CYLC2: variants seen among roughly 807,000 people sequenced by gnomAD.
The protein encoded by CYLC2 is cylicin 2, also known as cylicin-2.
A neutral mutation model predicts 26.1 loss-of-function variants in CYLC2; 30 were observed. The ratio of observed to expected loss-of-function variants is 1.15; its 90% confidence interval spans 0.86 to 1.56. The LOEUF (loss-of-function observed/expected upper bound fraction) is 1.56. CYLC2 is among the 40% of genes most tolerant of loss of function. The pLI is 0.00. For synonymous variants in CYLC2, 158 were observed against 132.8 expected (o/e 1.19, Z -1.31); for missense variants, 498 against 394.4 (o/e 1.26, Z -2.23).
At chr9:103,015,423 A>G (rs1168108105) in intron 6 of CYLC2, among the ~76,000 whole-genome samples, 3 of 135,864 alleles carry the variant, frequency 2.2e-5, no homozygotes, top group South Asian at 2.1e-4. Flanking sequence ...ATATATTATA[A>G]TTATATACTT....
rs1353378787 is a variant in CYLC2 at position 103,013,171 on chromosome 9, T to TATATATTTAATATATTATATAA, written c.*816+1095_*816+1096insAATATATTTAATATATTATATA. On this transcript the variant is annotated intron_variant, in intron 6 of 7. Transcript: ENST00000374798. ...CATATATAAATATATATTATATAAA[T>TATATATTTAATATATTATATAA]ATATATTTAATATATTATATATAAC... is the stretch of plus-strand genomic sequence containing the variant. Among the ~76,000 whole-genome samples, 7 of 134,008 alleles carry TATATATTTAATATATTATATAA rather than the reference T, an allele frequency of 5.2e-5. 1 individual carries two copies. Among genetic ancestry groups the TATATATTTAATATATTATATAA allele is most frequent in the African/African-American group, 1.9e-4 (7 of 36,674 alleles). The allele number at this position is 134,008 out of a possible 152,430, so 87.9% of individuals were successfully genotyped here. A position where few individuals can be genotyped will look rare whatever the true frequency, so the allele number is the denominator to read the frequency against.
At position 102,995,759 on chromosome 9, in the gene CYLC2, A is replaced by C. The variant is rs117998321; in HGVS notation, c.17+362A>C. Among the ~76,000 whole-genome samples, 1,441 of 151,926 alleles carry C rather than the reference A, an allele frequency of 9.5e-3. 62 individuals carry two copies. In the East Asian group the frequency reaches 0.16, roughly 17 times the overall value. Reference sequence around the variant, plus strand: ...AAATTTCTGTGAATATTTTTTGTGTATGTAATAGTGACTGAGGAGTGTGAC... The same window carrying C: ...AAATTTCTGTGAATATTTTTTGTGTCTGTAATAGTGACTGAGGAGTGTGAC... On this transcript the variant is annotated intron_variant, in intron 1 of 7. Coordinates refer to ENST00000374798, the MANE Select transcript of CYLC2 (RefSeq NM_001340.5).
intron 6 of CYLC2, among the ~76,000 whole-genome samples, chr9:103,016,033 A>ATATGGTATTTTGATAT (rs1829501492): frequency 6.6e-6 from 1 of 151,334 alleles, no homozygotes; most frequent in African/African-American, 2.4e-5. Context: ...GGATTTTGAT[A>ATATGGTATTTTGATAT]GATAATTGGT....
intron 5 of CYLC2, among the ~76,000 whole-genome samples, chr9:103,010,035 A>G (rs1238113156): frequency 6.6e-6 from 1 of 151,726 alleles, no homozygotes; most frequent in African/African-American, 2.4e-5. Context: ...CAAAAATAGA[A>G]AATTTAAAAT....
chr9:103,007,286 T>C (rs969096779), intron 5 of CYLC2, among the ~76,000 whole-genome samples: 3 of 152,046 alleles, frequency 2.0e-5, no homozygotes, highest in Non-Finnish European at 4.4e-5. Flanking sequence ...TTATGATAGA[T>C]GATATTATTA....
intron 6 of CYLC2, among the ~76,000 whole-genome samples, chr9:103,014,424 A>AATGTATATT (rs1564101119): frequency 2.1e-5 from 2 of 96,356 alleles, no homozygotes; most frequent in African/African-American, 3.4e-5. Flanking sequence ...GTAACATAAT[A>AATGTATATT]ACATAATGTA....
intron 6 of CYLC2, among the ~76,000 whole-genome samples, chr9:103,014,315 T>C (rs1829461670): frequency 7.4e-6 from 1 of 135,132 alleles, no homozygotes; most frequent in Admixed American, 8.0e-5. Flanking sequence ...TATTACATTG[T>C]ATATATTACA....
chr9:103,017,657 A>G (rs1434818582), intron 7 of CYLC2, among the ~76,000 whole-genome samples: 1 of 152,064 alleles, frequency 6.6e-6, no homozygotes, highest in African/African-American at 2.4e-5. Context: ...TTTCCTAGAT[A>G]TAGTTGGTAA....
intron 2 of CYLC2, 44 bp from the exon 3 acceptor site, chr9:103,003,098 A>G: frequency 6.2e-7 from 1 of 1,607,036 alleles, no homozygotes; most frequent in Non-Finnish European, 8.5e-7. Flanking sequence ...CTCTGATGGA[A>G]TTCTATTCAC....
chr9:103,002,028 T>C (rs1829293533), intron 2 of CYLC2, among the ~76,000 whole-genome samples: 1 of 152,134 alleles, frequency 6.6e-6, no homozygotes, highest in African/African-American at 2.4e-5. Flanking sequence ...TATTTGATTT[T>C]GAAGAACTTC....
chr9:102,999,140 G>A (rs932567942), intron 1 of CYLC2, among the ~76,000 whole-genome samples: 1 of 151,686 alleles, frequency 6.6e-6, no homozygotes, highest in Non-Finnish European at 1.5e-5. Flanking sequence ...TAGAGGAAAA[G>A]TTTTAATTCA....
At chr9:103,001,037 C>G (rs534717599) in intron 1 of CYLC2, among the ~76,000 whole-genome samples, 39 of 152,010 alleles carry the variant, frequency 2.6e-4, no homozygotes, top group Non-Finnish European at 1.5e-5. Flanking sequence ...GTGGTCCACA[C>G]TGACATATAC....
rs1252589731 is a variant in CYLC2 at position 103,012,004 on chromosome 9, G to A, written c.*723G>A. ...GAGTCTCGCTCTGTTGCCCTGGCTG[G>A]AGTTCAGTGACATGATCTCAGGCTT... On this transcript the variant is annotated 3_prime_UTR_variant, in exon 6 of 8. Coordinates refer to ENST00000374798, the MANE Select transcript of CYLC2 (RefSeq NM_001340.5). The A allele has an allele frequency of 7.7e-6, 1 of 130,358 alleles. No individual in the cohort carries two copies. The highest frequency in any genetic ancestry group is 1.5e-5 in the Non-Finnish European group (1 of 64,868). The allele number at this position is 130,358 out of a possible 1,614,324, so 8.1% of individuals were successfully genotyped here. A position where few individuals can be genotyped will look rare whatever the true frequency, so the allele number is the denominator to read the frequency against.
chr9:103,007,603 A>G (rs962297484), intron 5 of CYLC2, among the ~76,000 whole-genome samples: 4 of 152,186 alleles, frequency 2.6e-5, no homozygotes, highest in African/African-American at 9.6e-5. Context: ...TGATTTGAGG[A>G]AAAAATAAAA....
chr9:103,010,259 A>T (rs1829393550), intron 5 of CYLC2, among the ~76,000 whole-genome samples: 1 of 152,096 alleles, frequency 6.6e-6, no homozygotes, highest in Admixed American at 6.6e-5. Flanking sequence ...ATCCTTGTAA[A>T]AGCAGTGGCA....
chr9:103,016,403 T>C (rs1365865493), intron 6 of CYLC2, among the ~76,000 whole-genome samples: 2 of 152,060 alleles, frequency 1.3e-5, no homozygotes, highest in South Asian at 2.1e-4. Flanking sequence ...GGAAGATCTA[T>C]GCCTGCTGCT....
Position 103,018,334 on chromosome 9 carries a change from G to A in CYLC2, c.*900G>A, listed in dbSNP as rs117142631. The A allele has an allele frequency of 0.017, 2,534 of 152,074 alleles. 30 individuals are homozygous for A. The highest frequency in any genetic ancestry group is 0.026 in the Non-Finnish European group (1,755 of 67,980). 9.4% of individuals were successfully genotyped at this position (152,074 alleles called of 1,614,324 possible). A position where few individuals can be genotyped will look rare whatever the true frequency, so the allele number is the denominator to read the frequency against. ...TTTGATTGTGTTCCAGGACTACCGT[G>A]AGGATGGATTGGACATTACACCACA... is the stretch of plus-strand genomic sequence containing the variant. On this transcript the variant is annotated 3_prime_UTR_variant, in exon 8 of 8. Transcript: ENST00000374798.
chr9:103,005,364 G>A lies in CYLC2; in HGVS notation c.733G>A (p.Glu245Lys), dbSNP rs1258983342. ...QAVKADEKKD[E>K]DGKKDANKGD... ...TGTAAAAGCAGATGAAAAGAAGGAT[G>A]AGGATGGAAAAAAAGATGCAAACAA... The change falls in exon 5 of 8, where the codon GAG becomes AAG. Residue 245 changes from glutamate (E) to lysine (K), a missense_variant. Glu to Lys is a moderately conservative substitution (Grantham distance 56). Coordinates refer to ENST00000374798, the MANE Select transcript of CYLC2 (RefSeq NM_001340.5). 6.2e-7 allele frequency: 1 copy of A among 1,613,770 alleles called. No homozygotes were observed. Among genetic ancestry groups the A allele is most frequent in the Non-Finnish European group, 8.5e-7 (1 of 1,179,976 alleles).
chr9:103,003,119 GTTT>G lies in CYLC2; in HGVS notation c.59-19_59-17del. 1.2e-6 allele frequency: 2 copies of G among 1,611,856 alleles called. No individual in the cohort carries two copies. Among genetic ancestry groups the G allele is most frequent in the Non-Finnish European group, 1.7e-6 (2 of 1,178,936 alleles). ...TGGAATTCTATTCACTCCAAAATGT[GTTT>G]TTTGTCTCCCTTATTTTAGTCAGTG... is the stretch of plus-strand genomic sequence containing the variant. On this transcript the variant is annotated intron_variant, in intron 2 of 7. Coordinates refer to ENST00000374798, the MANE Select transcript of CYLC2 (RefSeq NM_001340.5).
Sources: allele counts gnomAD v4.1 joint callset (sites outside exome capture counted in the v4.1 genomes callset), GRCh38; gene constraint gnomAD v4.1.1; transcripts MANE v1.5; gene names NCBI Gene and HGNC (gene_info 2026-07-23, HGNC 2026-07-21).